GARNL3: variants seen among roughly 807,000 people sequenced by gnomAD.
GARNL3 encodes the protein GTPase-activating Rap/Ran-GAP domain-like protein 3.
A neutral mutation model predicts 125.0 loss-of-function variants in GARNL3; 63 were observed. That is an observed-to-expected ratio of 0.50 (90% CI 0.41 to 0.62). The LOEUF is 0.62. Ranked by LOEUF, GARNL3 falls within the 20% of genes least tolerant of loss-of-function variation. The pLI is 0.00. For missense variants in GARNL3, 994 were observed against 1,244.0 expected (o/e 0.80, Z 3.02); for synonymous variants, 439 against 457.5 (o/e 0.96, Z 0.52).
At chr9:127,241,966 G>GT (rs528638422) in intron 1 of GARNL3, among the ~76,000 whole-genome samples, 24 of 149,160 alleles carry the variant, frequency 1.6e-4, no homozygotes, top group Admixed American at 5.3e-4. Flanking sequence ...TGTTGTTGTT[G>GT]TTGTTTGTTT....
chr9:127,291,389 G>A, intron 2 of GARNL3, 147 bp downstream of exon 2: 1 of 699,676 alleles, frequency 1.4e-6, no homozygotes, highest in Non-Finnish European at 2.5e-6. Context: ...CAGTATTCTG[G>A]CATGGAAGGT....
At chr9:127,297,166 C>T (rs1302384314) in intron 2 of GARNL3, among the ~76,000 whole-genome samples, 1 of 151,996 alleles carries the variant, frequency 6.6e-6, no homozygotes, top group Non-Finnish European at 1.5e-5. Context: ...ACACGGTCTC[C>T]CTCCCTCTGT....
Position 127,387,284 on chromosome 9 carries a change from C to T in GARNL3, c.2480C>T (p.Thr827Ile), listed in dbSNP as rs770629198. 3.7e-6 allele frequency: 6 copies of T among 1,614,052 alleles called. No homozygotes were observed. The highest frequency in any genetic ancestry group is 5.1e-6 in the Non-Finnish European group (6 of 1,180,004). The change falls in exon 25 of 28, where the codon ACA becomes ATA. Residue 827 changes from threonine to isoleucine, a missense_variant. Physicochemically the swap from Thr to Ile is moderately conservative, Grantham distance 89 (BLOSUM62 -1). This residue lies in a region of GARNL3 where 728 missense variants were observed against 865.7 expected (regional missense o/e 0.84). Coordinates refer to ENST00000373387, the MANE Select transcript of GARNL3 (RefSeq NM_032293.5). Reference protein sequence around the residue: ...KGASARNSPQTPPGRDTPVFP... With the variant: ...KGASARNSPQIPPGRDTPVFP... ...GCCAGTGCCCGAAATTCTCCTCAGA[C>T]ACCCCCGGGCCGAGATACTCCAGTA... is the stretch of plus-strand genomic sequence containing the variant.
chr9:127,381,264 G>T (rs1475463217), intron 22 of GARNL3, among the ~76,000 whole-genome samples: 1 of 152,036 alleles, frequency 6.6e-6, no homozygotes, highest in East Asian at 1.9e-4. Flanking sequence ...AAATAAAATT[G>T]GTTTCATTAT....
upstream of GARNL3, among the ~76,000 whole-genome samples, chr9:127,261,641 G>A (rs2063594231): frequency 6.6e-6 from 1 of 151,912 alleles, no homozygotes; most frequent in Non-Finnish European, 1.5e-5. Context: ...TCGAACTCCC[G>A]ACCTCAGGTG....
At chr9:127,391,533 A>AAAAAAAAAAAAAAAAAATATATAT in intron 27 of GARNL3, among the ~76,000 whole-genome samples, 2 of 75,846 alleles carry the variant, frequency 2.6e-5, no homozygotes, top group African/African-American at 3.9e-5. Flanking sequence ...ACAAAAAAAA[A>AAAAAAAAAAAAAAAAAATATATAT]ATATATATAT....
intron 1 of GARNL3, among the ~76,000 whole-genome samples, chr9:127,290,966 G>T (rs1346397059): frequency 6.6e-6 from 1 of 152,172 alleles, no homozygotes; most frequent in Non-Finnish European, 1.5e-5. Flanking sequence ...TTGCAGGTTA[G>T]GCATTCCTTA....
At chr9:127,243,356 G>T in intron 2 of GARNL3, 2 of 893,760 alleles carry the variant, frequency 2.2e-6, no homozygotes, top group East Asian at 5.9e-5. Flanking sequence ...GGGGGATAGT[G>T]GGGAGGGAGA....
chr9:127,294,389 C>A (rs769002488), intron 2 of GARNL3, among the ~76,000 whole-genome samples: 3 of 152,078 alleles, frequency 2.0e-5, no homozygotes, highest in Non-Finnish European at 4.4e-5. Context: ...ACTGCACCTC[C>A]GCCTCCTGGG....
intron 1 of GARNL3, among the ~76,000 whole-genome samples, chr9:127,231,228 G>GTTTTTTT (rs34963289): frequency 6.0e-5 from 6 of 100,524 alleles, no homozygotes; most frequent in Non-Finnish European, 1.1e-4. Flanking sequence ...CTAATTTTTT[G>GTTTTTTT]TTTTTTTTTT....
intron 7 of GARNL3, among the ~76,000 whole-genome samples, chr9:127,329,357 G>C (rs1360995806): frequency 1.3e-5 from 2 of 152,172 alleles, no homozygotes; most frequent in African/African-American, 2.4e-5. Context: ...AGCTAGGGCT[G>C]TCTTGGCAAA....
In GARNL3 at chr9:127,354,620, A is replaced by G. The variant is rs1396838292; in HGVS notation, c.1759+210A>G. ...GACTAGAAGAAATTCTAGGCCTTGCATAACAGGTTCTAGAGATGCATTAAA... is the reference window on the plus strand; with the variant it reads ...GACTAGAAGAAATTCTAGGCCTTGCGTAACAGGTTCTAGAGATGCATTAAA... On this transcript the variant is annotated intron_variant, in intron 19 of 27. Coordinates refer to ENST00000373387, the MANE Select transcript of GARNL3 (RefSeq NM_032293.5). Among the ~76,000 whole-genome samples the G allele has an allele frequency of 3.3e-5, 5 of 152,234 alleles. 1 individual carries two copies. In the South Asian group the frequency reaches 6.2e-4, roughly 19 times the overall value.
intron 2 of GARNL3, among the ~76,000 whole-genome samples, chr9:127,306,790 G>A (rs1240075750): frequency 2.6e-5 from 4 of 152,020 alleles, no homozygotes; most frequent in African/African-American, 9.6e-5. Context: ...GGGAGGCTGA[G>A]GTAGTAGAAT....
At chr9:127,387,388 G>A in intron 25 of GARNL3, 57 bp downstream of exon 25, 1 of 1,481,960 alleles carries the variant, frequency 6.7e-7, no homozygotes, top group Non-Finnish European at 9.2e-7. Flanking sequence ...AATTTCTCTA[G>A]TTTGTTGTCT....
At position 127,334,081 on chromosome 9, in the gene GARNL3, T is replaced by C. The variant is rs1829416000; in HGVS notation, c.769+960T>C. 3.9e-5 allele frequency among the ~76,000 whole-genome samples: 6 copies of C among 152,246 alleles called. No homozygotes were observed. The South Asian group carries it at 1.2e-3, about 32-fold the overall frequency. On this transcript the variant is annotated intron_variant, in intron 9 of 27. Coordinates refer to ENST00000373387, the MANE Select transcript of GARNL3 (RefSeq NM_032293.5). Reference sequence around the variant, plus strand: ...AAGTGGAGGTTGAAAGAGGAGACAGTACTTGAAGACACTTCAGGGTTTCTG... The same window carrying C: ...AAGTGGAGGTTGAAAGAGGAGACAGCACTTGAAGACACTTCAGGGTTTCTG...
chr9:127,250,375 G>C (rs973191513), intron 2 of GARNL3, among the ~76,000 whole-genome samples: 4 of 152,188 alleles, frequency 2.6e-5, no homozygotes, highest in African/African-American at 9.7e-5. Flanking sequence ...ACATGGTGGT[G>C]GGAGCAGTAG....
chr9:127,235,736 T>G (rs757540529), intron 1 of GARNL3, among the ~76,000 whole-genome samples: 14 of 152,226 alleles, frequency 9.2e-5, no homozygotes, highest in Admixed American at 2.0e-4. Context: ...AGTTGACCAC[T>G]GGGTTTAGCA....
chr9:127,268,123 G>A (rs1296812985), intron 1 of GARNL3, among the ~76,000 whole-genome samples: 1 of 152,210 alleles, frequency 6.6e-6, no homozygotes, highest in East Asian at 1.9e-4. Flanking sequence ...GCAAGTGACT[G>A]AGAGTCAGGG....
At chr9:127,268,571 A>G (rs1166706499) in intron 1 of GARNL3, among the ~76,000 whole-genome samples, 1 of 152,220 alleles carries the variant, frequency 6.6e-6, no homozygotes. Flanking sequence ...AAACAGACAG[A>G]ACATAAACTT....
Sources: gnomAD v4.1 joint callset for allele counts (sites outside exome capture counted in the v4.1 genomes callset) on GRCh38, gnomAD v4.1.1 for gene constraint, gnomAD v4.1.1 regional missense constraint, MANE v1.5 for transcripts, NCBI Gene and HGNC (gene_info 2026-07-23, HGNC 2026-07-21) for gene names.